IL1R2: variants seen among roughly 807,000 people sequenced by gnomAD.
The protein encoded by IL1R2 is interleukin 1 receptor type 2, also known as interleukin-1 receptor type 2.
IL1R2 carries 46 observed loss-of-function variants against 39.5 expected under a neutral mutation model. The observed-to-expected ratio is 1.16, with a 90% CI of 0.92 to 1.49. IL1R2 has a LOEUF of 1.49. IL1R2 is among the 40% of genes most tolerant of loss of function. The probability of loss-of-function intolerance (pLI) is 0.00; values close to 1 mark genes in which losing one functional copy is unlikely to be tolerated. For missense variants in IL1R2, 537 were observed against 502.0 expected, an observed-to-expected ratio of 1.07 and a Z score of -0.67; for synonymous variants, 207 against 189.6, an observed-to-expected ratio of 1.09 and a Z score of -0.75.
At chr2:101,996,471 T>C (rs573835970) in intron 1 of IL1R2, among the ~76,000 whole-genome samples, 42 of 139,260 alleles carry the variant, frequency 3.0e-4, no homozygotes, top group Non-Finnish European at 4.9e-4. Flanking sequence ...TAAAAATCCC[T>C]GGGTGTTTTC....
chr2:102,009,826 G>C lies in IL1R2; in HGVS notation c.332G>C (p.Arg111Thr). 1 of 1,613,880 alleles carries C rather than the reference G, an allele frequency of 6.2e-7. No individual in the cohort carries two copies. Among genetic ancestry groups the C allele is most frequent in the South Asian group, 1.1e-5 (1 of 91,072 alleles). ...TCTGGCACCTACGTCTGCACTACTA[G>C]GTAAGTCTCCCTGTGCGGGGCTGGG... is the stretch of plus-strand genomic sequence containing the variant. ...EDSGTYVCTT[R>T]NASYCDKMSI... The change falls in exon 3 of 9, where the codon AGA (arginine) becomes ACA (threonine). Residue 111 changes from arginine to threonine, a missense_variant and splice_region_variant. By Grantham distance (71) the Arg-to-Thr change is moderately conservative (BLOSUM62 -1). Transcript: ENST00000332549.
intron 2 of IL1R2, 110 bp from the exon 3 acceptor site, chr2:102,009,452 G>A: frequency 8.2e-7 from 1 of 1,223,418 alleles, no homozygotes; most frequent in Non-Finnish European, 1.1e-6. Flanking sequence ...TTTCTCAAAT[G>A]TGCTCCAGGT....
intron 3 of IL1R2, among the ~76,000 whole-genome samples, chr2:102,014,733 T>C (rs919062005): frequency 6.6e-6 from 1 of 151,958 alleles, no homozygotes; most frequent in Non-Finnish European, 1.5e-5. Flanking sequence ...CTCGTCCTTA[T>C]TGTCTCTGTC....
rs1675712659 is a variant in IL1R2 at position 101,998,876 on chromosome 2, A to G, written c.-62+6865A>G. The G allele has an allele frequency of 3.3e-5, 5 of 152,350 alleles. No homozygotes were observed. The South Asian group carries it at 1.0e-3, about 32-fold the overall frequency. The allele number at this position is 152,350 out of a possible 1,614,324, so 9.4% of individuals were successfully genotyped here. A position where few individuals can be genotyped will look rare whatever the true frequency, so the allele number is the denominator to read the frequency against. On this transcript the variant is annotated intron_variant, in intron 1 of 8. Coordinates refer to ENST00000332549, the MANE Select transcript of IL1R2 (RefSeq NM_004633.4). ...GATCTAGCTCAAGAGTTCACACAGC[A>G]TCACTTCTGCTGCATTGTATTGGTT...
intron 1 of IL1R2, among the ~76,000 whole-genome samples, chr2:101,998,842 G>A (rs1292344511): frequency 2.6e-5 from 4 of 152,306 alleles, no homozygotes; most frequent in African/African-American, 9.6e-5. Flanking sequence ...AGGCTGCATG[G>A]ATTTTTCTGA....
intron 3 of IL1R2, among the ~76,000 whole-genome samples, chr2:102,014,039 C>A (rs1269089800): frequency 6.6e-6 from 1 of 152,156 alleles, no homozygotes; most frequent in Non-Finnish European, 1.5e-5. Context: ...CCTCACCCTT[C>A]TCTTTCTTTT....
At chr2:101,992,290 C>CAGAGACAGAGAGAGACAGAGACAGAG in intron 1 of IL1R2, among the ~76,000 whole-genome samples, 1 of 136,492 alleles carries the variant, frequency 7.3e-6, no homozygotes, top group South Asian at 2.4e-4. Flanking sequence ...GGCAGAGAGA[C>CAGAGACAGAGAGAGACAGAGACAGAG]AGAGACAGAG....
chr2:101,992,014 G>C lies in IL1R2; in HGVS notation c.-62+3G>C, dbSNP rs1001346301. Reference sequence around the variant, plus strand: ...TTCCCCAGGTGAGCAGCAACAAGGTGAGAGAATGCAGAGCTGCAGGTAAGA... The same window carrying C: ...TTCCCCAGGTGAGCAGCAACAAGGTCAGAGAATGCAGAGCTGCAGGTAAGA... On this transcript the variant is annotated splice_donor_region_variant and intron_variant, in intron 1 of 8. Transcript: ENST00000332549. The C allele has an allele frequency of 6.6e-6, 1 of 152,594 alleles. No individual in the cohort carries two copies. Among genetic ancestry groups the C allele is most frequent in the African/African-American group, 2.4e-5 (1 of 41,306 alleles). The allele number at this position is 152,594 out of a possible 1,614,324, so 9.5% of individuals were successfully genotyped here.
At chr2:102,006,124 T>C (rs1676246140) in intron 1 of IL1R2, among the ~76,000 whole-genome samples, 1 of 152,224 alleles carries the variant, frequency 6.6e-6, no homozygotes, top group African/African-American at 2.4e-5. Context: ...ATGGTATTGG[T>C]TAGCTACAGT....
rs767276614 is a variant in IL1R2 at position 102,026,246 on chromosome 2, C to T, written c.1023C>T (p.Val341=). 6.0e-5 allele frequency: 96 copies of T among 1,608,908 alleles called. No homozygotes were observed. Among genetic ancestry groups the T allele is most frequent in the Middle Eastern group, 1.6e-4 (1 of 6,068 alleles). ...GTTTTCAGACACTACGCACCACAGTCAAGGAAGGTATGTATGTATTTTGGG... is the reference window on the plus strand; with the variant it reads ...GTTTTCAGACACTACGCACCACAGTTAAGGAAGGTATGTATGTATTTTGGG... ...TLSFQTLRTT[V]KEASSTFSWG... Residue 341 remains valine (V), a synonymous_variant, in exon 8 of 9, where the codon GTC becomes GTT. Transcript: ENST00000332549.
Position 102,028,355 on chromosome 2 carries a change from G to A in IL1R2, c.1160G>A (p.Trp387Ter). Residue 387 changes from tryptophan to a stop codon, truncating the protein, a stop_gained, in exon 9 of 9, where the codon TGG (tryptophan) becomes TAG (stop). Coordinates refer to ENST00000332549, the MANE Select transcript of IL1R2 (RefSeq NM_004633.4). LOFTEE classifies it low-confidence loss of function (END_TRUNC). ...AAAGCAGATGGTCTGACTGTGCTAT[G>A]GCCTCATCATCAAGACTTTCAATCC... ...TGKADGLTVLWPHHQDFQSYP... is the reference protein window; with the variant it reads ...TGKADGLTVL The A allele has an allele frequency of 6.2e-7, 1 of 1,605,664 alleles. No homozygotes were observed. Among genetic ancestry groups the A allele is most frequent in the Non-Finnish European group, 8.5e-7 (1 of 1,175,936 alleles).
At chr2:102,019,230 C>A (rs1054424829) in intron 4 of IL1R2, among the ~76,000 whole-genome samples, 10 of 152,160 alleles carry the variant, frequency 6.6e-5, no homozygotes, top group African/African-American at 2.4e-4. Context: ...GTAATTACTG[C>A]AACGTCATCT....
chr2:102,007,330 G>T (rs1290791802), intron 1 of IL1R2, among the ~76,000 whole-genome samples: 7 of 152,172 alleles, frequency 4.6e-5, no homozygotes, highest in African/African-American at 1.7e-4. Context: ...GTAGACCAGA[G>T]TGTTAGCAGG....
chr2:102,024,560 T>C lies in IL1R2; in HGVS notation c.779T>C (p.Val260Ala), dbSNP rs780167021. ...TCAAGACTGACAATCCCGTGTAAGG[T>C]GTTTCTGGGAACCGGCACACCCTTA... The part of the protein sequence containing the change: ...LGSRLTIPCK[V>A]FLGTGTPLTT... Residue 260 changes from valine (V) to alanine (A), a missense_variant, in exon 7 of 9, where the codon GTG becomes GCG. Physicochemically the swap from Val to Ala is moderately conservative, Grantham distance 64. Coordinates refer to ENST00000332549, the MANE Select transcript of IL1R2 (RefSeq NM_004633.4). The C allele has an allele frequency of 1.9e-6, 3 of 1,613,658 alleles. No homozygotes were observed. The highest frequency in any genetic ancestry group is 2.5e-6 in the Non-Finnish European group (3 of 1,179,944).
At chr2:102,008,365 C>G in intron 1 of IL1R2, 150 bp from the exon 2 acceptor site, 1 of 567,110 alleles carries the variant, frequency 1.8e-6, no homozygotes, top group Middle Eastern at 4.8e-4. Context: ...AGAAACAAAT[C>G]CAAAAATTTT....
intron 5 of IL1R2, among the ~76,000 whole-genome samples, chr2:102,021,402 A>G (rs1305289082): frequency 7.4e-6 from 1 of 135,108 alleles, no homozygotes; most frequent in South Asian, 2.3e-4. Context: ...TGCGACCTCT[A>G]CCTCCCGGGT....
chr2:101,992,769 A>G (rs1287234488), intron 1 of IL1R2, among the ~76,000 whole-genome samples: 1 of 152,228 alleles, frequency 6.6e-6, no homozygotes, highest in East Asian at 1.9e-4. Context: ...AGACGGAGAC[A>G]GAAGAGAGAA....
In IL1R2 at chr2:102,022,170, C is replaced by A. The variant is rs1677440608; in HGVS notation, c.689-17C>A. 6.2e-7 allele frequency: 1 copy of A among 1,604,862 alleles called. No homozygotes were observed. Among genetic ancestry groups the A allele is most frequent in the Non-Finnish European group, 8.5e-7 (1 of 1,171,654 alleles). ...AGGCTTTCCTAACGGAATCTCTTTT[C>A]CTTACATCTTTCTCAGAAAAAAAAG... On this transcript the variant is annotated splice_polypyrimidine_tract_variant and intron_variant, in intron 5 of 8. Coordinates refer to ENST00000332549, the MANE Select transcript of IL1R2 (RefSeq NM_004633.4).
rs1461176608 is a variant in IL1R2, at chr2:101,991,969, G to A, written c.-104G>A. ...TTACTGCTGAGCTCCTGCTGGAGGT[G>A]AAAGTCTGGCCTGGCAGCCTTCCCC... On this transcript the variant is annotated 5_prime_UTR_variant, in exon 1 of 9. Transcript: ENST00000332549. 1 of 152,666 alleles carries A rather than the reference G, an allele frequency of 6.6e-6. No individual in the cohort carries two copies. Among genetic ancestry groups the A allele is most frequent in the African/African-American group, 2.4e-5 (1 of 41,396 alleles). The allele number at this position is 152,666 out of a possible 1,614,324, so 9.5% of individuals were successfully genotyped here.
Sources: allele counts gnomAD v4.1 joint callset (sites outside exome capture counted in the v4.1 genomes callset), GRCh38; gene constraint gnomAD v4.1.1; transcripts MANE v1.5; gene names NCBI Gene and HGNC (gene_info 2026-07-23, HGNC 2026-07-21).